The following IPO11 variants were observed in gnomAD, a reference collection of about 807,000 sequenced individuals.
IPO11 encodes the protein importin 11.
IPO11 carries 66 observed loss-of-function variants against 143.2 expected under a neutral mutation model. That is an observed-to-expected ratio of 0.46 (90% CI 0.38 to 0.57). The LOEUF (loss-of-function observed/expected upper bound fraction) is 0.57. Among genes scored for constraint, IPO11 ranks in the 20% least tolerant of loss-of-function variants. The pLI, the probability that IPO11 is intolerant of heterozygous loss-of-function variation, is 0.00. For missense variants in IPO11, 1,026 were observed against 1,141.0 expected (o/e 0.90, Z 1.45); for synonymous variants, 385 against 377.8 (o/e 1.02, Z -0.22).
At chr5:62,581,459 GTATT>G in intron 27 of IPO11, 1 of 652,662 alleles carries the variant, frequency 1.5e-6, no homozygotes, top group Non-Finnish European at 2.5e-6. Context: ...TGTGAACAGT[GTATT>G]CATTTAGCAA....
chr5:62,593,056 T>C (rs1213736973), intron 28 of IPO11, among the ~76,000 whole-genome samples: 4 of 152,158 alleles, frequency 2.6e-5, no homozygotes, highest in African/African-American at 9.7e-5. Context: ...TACAGTTTAG[T>C]TGAGGGGAGG....
intron 1 of IPO11, among the ~76,000 whole-genome samples, chr5:62,414,583 A>G (rs1743225403): frequency 1.3e-5 from 2 of 152,226 alleles, no homozygotes; most frequent in African/African-American, 4.8e-5. Flanking sequence ...CTTATTACAG[A>G]TAAGTCCACA....
At chr5:62,443,606 GAA>G (rs1744590274) in intron 3 of IPO11, among the ~76,000 whole-genome samples, 1 of 149,468 alleles carries the variant, frequency 6.7e-6, no homozygotes, top group Non-Finnish European at 1.5e-5. Flanking sequence ...CAAGAAAAAA[GAA>G]AGAGAAATAT....
chr5:62,598,444 CT>C (rs1745336955), intron 28 of IPO11, among the ~76,000 whole-genome samples: 1 of 2,202 alleles, frequency 4.5e-4, no homozygotes, highest in African/African-American at 6.4e-3. Context: ...CTCTCTCTCT[CT>C]CTCTCTCTCT....
chr5:62,504,919 G>T, intron 18 of IPO11, 21 bp downstream of exon 18: 4 of 1,437,644 alleles, frequency 2.8e-6, no homozygotes, highest in South Asian at 1.3e-5. Flanking sequence ...ACATTTCCAG[G>T]TATTTTTTTT....
At chr5:62,558,447 T>C (rs1366630939) in intron 26 of IPO11, among the ~76,000 whole-genome samples, 1 of 152,168 alleles carries the variant, frequency 6.6e-6, no homozygotes, top group Non-Finnish European at 1.5e-5. Context: ...TCAACAAAAA[T>C]ATAGTGGCTT....
chr5:62,481,834 C>T (rs1746224105), intron 9 of IPO11, among the ~76,000 whole-genome samples: 1 of 152,130 alleles, frequency 6.6e-6, no homozygotes, highest in Admixed American at 6.5e-5. Flanking sequence ...CCCTCTTTTT[C>T]TATTGATTGG....
intron 11 of IPO11, among the ~76,000 whole-genome samples, chr5:62,484,822 C>T (rs1746338228): frequency 6.6e-6 from 1 of 151,174 alleles, no homozygotes; most frequent in African/African-American, 2.4e-5. Context: ...TACTTATCTT[C>T]GCCATGCTTT....
chr5:62,527,560 ATGTT>A (rs1324939557), intron 21 of IPO11, among the ~76,000 whole-genome samples: 1 of 152,212 alleles, frequency 6.6e-6, no homozygotes, highest in Non-Finnish European at 1.5e-5. Context: ...ATGATGTTGA[ATGTT>A]AGAAAAAATC....
At chr5:62,515,316 C>A in intron 19 of IPO11, 72 bp from the exon 20 acceptor site, 1 of 918,594 alleles carries the variant, frequency 1.1e-6, no homozygotes, top group Non-Finnish European at 1.7e-6. Flanking sequence ...ATAGTGCTCT[C>A]ATTGTTTTTC....
chr5:62,625,813 T>C (rs746641757), intron 29 of IPO11, among the ~76,000 whole-genome samples: 1 of 152,090 alleles, frequency 6.6e-6, no homozygotes, highest in Non-Finnish European at 1.5e-5. Context: ...ATACATAAGA[T>C]GAGATGTCAG....
At chr5:62,420,572 G>C (rs1302588717) in intron 1 of IPO11, among the ~76,000 whole-genome samples, 1 of 151,430 alleles carries the variant, frequency 6.6e-6, no homozygotes, top group Non-Finnish European at 1.5e-5. Flanking sequence ...GTCCATATCT[G>C]ACTGAAACTT....
At chr5:62,434,889 G>A (rs891689417) in intron 1 of IPO11, among the ~76,000 whole-genome samples, 2 of 151,476 alleles carry the variant, frequency 1.3e-5, no homozygotes, top group East Asian at 3.9e-4. Flanking sequence ...GCTGGGCGTG[G>A]TGGCTCGCGC....
chr5:62,536,987 A>AT (rs1013986019), intron 23 of IPO11, among the ~76,000 whole-genome samples: 4 of 152,032 alleles, frequency 2.6e-5, no homozygotes, highest in South Asian at 2.1e-4. Context: ...ATGTCAACAA[A>AT]TTTTTTTTAT....
Position 62,552,945 on chromosome 5 carries a change from A to G in IPO11, c.2460+1609A>G, listed in dbSNP as rs886855602. 6.6e-5 allele frequency among the ~76,000 whole-genome samples: 10 copies of G among 152,248 alleles called. No individual in the cohort carries two copies. In the South Asian group the frequency reaches 1.2e-3, roughly 19 times the overall value. Reference sequence around the variant, plus strand: ...ATATCTGTCACCCCAAACACTTACTATTTCTCTGTATTGGGAACATACAAC... The same window carrying G: ...ATATCTGTCACCCCAAACACTTACTGTTTCTCTGTATTGGGAACATACAAC... On this transcript the variant is annotated intron_variant, in intron 26 of 29. Coordinates refer to ENST00000325324, the MANE Select transcript of IPO11 (RefSeq NM_016338.5).
intron 27 of IPO11, among the ~76,000 whole-genome samples, chr5:62,567,312 G>A (rs369070523): frequency 6.6e-6 from 1 of 151,762 alleles, no homozygotes. Context: ...ATATGTTACT[G>A]GTTTTATTGC....
At chr5:62,536,442 C>CATTT (rs111535340) in intron 22 of IPO11, among the ~76,000 whole-genome samples, 1 of 148,864 alleles carries the variant, frequency 6.7e-6, no homozygotes, top group Admixed American at 6.7e-5. Context: ...TTCATTCATT[C>CATTT]ATTTATTCAT....
At chr5:62,603,598 T>C (rs986095441) in intron 29 of IPO11, among the ~76,000 whole-genome samples, 7 of 152,180 alleles carry the variant, frequency 4.6e-5, no homozygotes, top group African/African-American at 1.7e-4. Flanking sequence ...CAGGGTGCAC[T>C]TGCACACACT....
chr5:62,491,295 T>A (rs1408029204), intron 15 of IPO11, among the ~76,000 whole-genome samples: 1 of 152,224 alleles, frequency 6.6e-6, no homozygotes, highest in African/African-American at 2.4e-5. Context: ...AATCATTTAT[T>A]CAGTTAACAT....
Sources: gnomAD v4.1 joint callset for allele counts (sites outside exome capture counted in the v4.1 genomes callset) on GRCh38, gnomAD v4.1.1 for gene constraint, MANE v1.5 for transcripts, NCBI Gene and HGNC (gene_info 2026-07-23, HGNC 2026-07-21) for gene names.